The following QTMAN variants were observed in gnomAD, a reference collection of about 807,000 sequenced individuals.
QTMAN encodes tRNA-queuosine alpha-mannosyltransferase.
the QTMAN span, among the ~76,000 whole-genome samples, chr2:144,188,583 T>C: frequency 2.6e-5 from 4 of 152,144 alleles, no homozygotes; most frequent in South Asian, 2.1e-4. Context: ...GGATGGGTGA[T>C]GGACATTTTA....
chr2:143,999,235 C>T, the QTMAN span, among the ~76,000 whole-genome samples: 7 of 151,878 alleles, frequency 4.6e-5, no homozygotes, highest in Admixed American at 2.6e-4. Context: ...TACACTGCAC[C>T]GCACAGTGCC....
At chr2:144,093,255 G>A in the QTMAN span, among the ~76,000 whole-genome samples, 1 of 152,118 alleles carries the variant, frequency 6.6e-6, no homozygotes, top group Non-Finnish European at 1.5e-5. Flanking sequence ...AGCAGCAAAG[G>A]GAACTGCCTG....
chr2:144,225,687 T>C, the QTMAN span, among the ~76,000 whole-genome samples: 3 of 152,216 alleles, frequency 2.0e-5, no homozygotes, highest in Non-Finnish European at 2.9e-5. Flanking sequence ...TATAGACATA[T>C]AGTTCAAGAC....
the QTMAN span, among the ~76,000 whole-genome samples, chr2:144,264,542 T>G: frequency 6.6e-6 from 1 of 152,230 alleles, no homozygotes; most frequent in African/African-American, 2.4e-5. Context: ...CCCTGCTTCC[T>G]TAGCTCTTGA....
the QTMAN span, among the ~76,000 whole-genome samples, chr2:144,101,158 G>A: frequency 1.3e-5 from 2 of 152,060 alleles, no homozygotes; most frequent in Non-Finnish European, 2.9e-5. Flanking sequence ...TTGAGCCACC[G>A]TGCCCGGCCC....
the QTMAN span, chr2:144,230,308 T>C: frequency 6.6e-6 from 1 of 152,160 alleles, no homozygotes; most frequent in African/African-American, 2.4e-5. Context: ...TCCACCTCTA[T>C]AACACATTAT....
chr2:144,321,374 T>C, the QTMAN span, among the ~76,000 whole-genome samples: 1 of 152,330 alleles, frequency 6.6e-6, no homozygotes, highest in South Asian at 2.1e-4. Flanking sequence ...GCTAGATTTC[T>C]AGAAGTCAAA....
chr2:144,185,928 T>C, the QTMAN span, among the ~76,000 whole-genome samples: 1 of 152,196 alleles, frequency 6.6e-6, no homozygotes, highest in African/African-American at 2.4e-5. Context: ...GAAAAGATTA[T>C]AAAGTCGTAC....
At chr2:143,957,381 T>C in the QTMAN span, 1 of 1,318,590 alleles carries the variant, frequency 7.6e-7, no homozygotes, top group Non-Finnish European at 1.0e-6. Context: ...TTTAATATAG[T>C]GTAAAATGAT....
the QTMAN span, among the ~76,000 whole-genome samples, chr2:144,165,246 T>C: frequency 6.6e-6 from 1 of 152,056 alleles, no homozygotes; most frequent in Non-Finnish European, 1.5e-5. Flanking sequence ...AGCATATGCC[T>C]GTAGTCCCAG....
chr2:144,270,201 TTGG>T, the QTMAN span, among the ~76,000 whole-genome samples: 15 of 152,190 alleles, frequency 9.9e-5, no homozygotes, highest in Admixed American at 6.5e-4. Context: ...TTTTACACTG[TTGG>T]TGGGAGTGTA....
chr2:144,219,036 A>T, the QTMAN span, among the ~76,000 whole-genome samples: 1 of 152,180 alleles, frequency 6.6e-6, no homozygotes. Context: ...AGAAATAGAT[A>T]TCCTTAAATG....
the QTMAN span, among the ~76,000 whole-genome samples, chr2:144,031,971 G>A: frequency 1.3e-5 from 2 of 152,104 alleles, no homozygotes; most frequent in African/African-American, 4.8e-5. Flanking sequence ...TTTTAGTGGC[G>A]ACGGGGTTTC....
the QTMAN span, among the ~76,000 whole-genome samples, chr2:144,078,912 T>C: frequency 1.3e-5 from 2 of 152,122 alleles, no homozygotes; most frequent in Admixed American, 1.3e-4. Flanking sequence ...CATTTTTCTT[T>C]TTTCTCGATA....
chr2:144,133,386 A>AATTATATAAATATAATATAT, the QTMAN span, among the ~76,000 whole-genome samples: 2 of 48,530 alleles, frequency 4.1e-5, no homozygotes, highest in Non-Finnish European at 7.4e-5. Flanking sequence ...TAATAATATA[A>AATTATATAAATATAATATAT]TATATATTAT....
chr2:144,071,502 G>A, the QTMAN span, among the ~76,000 whole-genome samples: 2 of 152,064 alleles, frequency 1.3e-5, no homozygotes, highest in African/African-American at 4.8e-5. Context: ...ATGGATACTC[G>A]CTTTTCTTTT....
At chr2:143,950,638 A>C in the QTMAN span, among the ~76,000 whole-genome samples, 1 of 151,708 alleles carries the variant, frequency 6.6e-6, no homozygotes, top group Non-Finnish European at 1.5e-5. Flanking sequence ...ATATATAAAA[A>C]ATTAATTCAT....
chr2:144,133,799 G>A, the QTMAN span, among the ~76,000 whole-genome samples: 1 of 151,268 alleles, frequency 6.6e-6, no homozygotes. Flanking sequence ...AAAGAAACAC[G>A]TTTTTGCAAT....
At chr2:144,186,230 G>T in the QTMAN span, among the ~76,000 whole-genome samples, 10 of 152,156 alleles carry the variant, frequency 6.6e-5, no homozygotes, top group African/African-American at 2.4e-4. Context: ...GGAAGTCTGA[G>T]GTAGGAATAT....
Sources: gnomAD v4.1 joint callset for allele counts (sites outside exome capture counted in the v4.1 genomes callset) on GRCh38, gnomAD v4.1.1 for gene constraint, MANE v1.5 for transcripts, NCBI Gene and HGNC (gene_info 2026-07-23, HGNC 2026-07-21) for gene names.